Variants in TMPRSS9 observed in about 807,000 individuals in gnomAD.
TMPRSS9 encodes transmembrane serine protease 9, also known as transmembrane protease serine 9.
Under a neutral mutation model 111.4 loss-of-function variants are expected in TMPRSS9, and 113 were observed. The ratio of observed to expected loss-of-function variants is 1.01; its 90% CI spans 0.87 to 1.19. TMPRSS9 has a LOEUF of 1.19. Among genes scored for constraint, TMPRSS9 ranks in the 50% most tolerant of loss-of-function variants. The pLI is 0.00. For synonymous variants in TMPRSS9, 805 were observed against 659.1 expected, an observed-to-expected ratio of 1.22 and a Z score of -3.39; for missense variants, 1,803 against 1,513.1, an observed-to-expected ratio of 1.19 and a Z score of -3.18.
At chr19:2,374,145 A>G (rs576307428) in intron 1 of TMPRSS9, among the ~76,000 whole-genome samples, 2 of 149,250 alleles carry the variant, frequency 1.3e-5, no homozygotes, top group Non-Finnish European at 3.0e-5. Context: ...TTTTCAAGCT[A>G]TTACATCAGC....
At chr19:2,419,976 T>A (rs891365271) in intron 13 of TMPRSS9, among the ~76,000 whole-genome samples, 6 of 152,014 alleles carry the variant, frequency 3.9e-5, no homozygotes, top group African/African-American at 1.4e-4. Flanking sequence ...CTGGACAACA[T>A]AGTGAGACCC....
At position 2,396,778 on chromosome 19, in the gene TMPRSS9, G is replaced by A. The variant is rs1040509466; in HGVS notation, c.270+112G>A. ...GGCAGGCCACAGGCAACGAAGCTGA[G>A]GTGGAGGCTGTGAGACCGGGAGGCC... On this transcript the variant is annotated intron_variant, in intron 2 of 17. Transcript: ENST00000648592. 9 of 1,425,662 alleles carry A rather than the reference G, an allele frequency of 6.3e-6. No homozygotes were observed. In the African/African-American group the frequency reaches 9.8e-5, roughly 16 times the overall value. The allele number at this position is 1,425,662 out of a possible 1,614,324, so 88.3% of individuals were successfully genotyped here. A position where few individuals can be genotyped will look rare whatever the true frequency, so the allele number is the denominator to read the frequency against.
chr19:2,403,183 G>A (rs1431109159), exon 6 of TMPRSS9: 13 of 1,607,930 alleles, frequency 8.1e-6, no homozygotes, highest in Non-Finnish European at 6.8e-6. Context: ...TGGGTCCGAC[G>A]AGGCGCACTG....
rs1044091377 is a variant in TMPRSS9 at position 2,404,931 on chromosome 19, CAAAAAAA to C, written c.671-431_671-425del. Among the ~76,000 whole-genome samples the C allele has an allele frequency of 3.9e-5, 3 of 76,794 alleles. No individual in the cohort carries two copies. The South Asian group carries it at 1.2e-3, about 32-fold the overall frequency. The allele number at this position is 76,794 out of a possible 152,430, so 50.4% of individuals were successfully genotyped here. On this transcript the variant is annotated intron_variant, in intron 6 of 17. Transcript: ENST00000648592. ...TGGACAACAGAGCGAGACTCCATCT[CAAAAAAA>C]AAAAAAAAAAATCAAAGACTAAACT...
chr19:2,425,103 T>C (rs1233034808), exon 16 of TMPRSS9: 4 of 1,583,628 alleles, frequency 2.5e-6, no homozygotes, highest in Non-Finnish European at 3.4e-6. Flanking sequence ...AAGCACCCGT[T>C]CTACAATCTC....
At chr19:2,375,003 GGCT>G (rs1440580650) in intron 1 of TMPRSS9, among the ~76,000 whole-genome samples, 2 of 152,194 alleles carry the variant, frequency 1.3e-5, no homozygotes, top group African/African-American at 4.8e-5. Context: ...TGCTGGGCGG[GGCT>G]GCGCCTGACT....
exon 16 of TMPRSS9, chr19:2,425,073 A>G: frequency 6.4e-7 from 1 of 1,573,392 alleles, no homozygotes; most frequent in South Asian, 1.1e-5. Context: ...GGGCAGCTGG[A>G]GCGCGTGGCG....
chr19:2,367,398 G>C (rs10422706), intron 1 of TMPRSS9, among the ~76,000 whole-genome samples: 100,016 of 151,438 alleles, frequency 0.66, 33,969 homozygotes, highest in Middle Eastern at 0.85. Flanking sequence ...AAATGCTTAT[G>C]TACTTTTTTT....
At chr19:2,405,208 A>G (rs4807259) in intron 6 of TMPRSS9, among the ~76,000 whole-genome samples, 166 bp from the exon 8 acceptor site, 82,544 of 151,804 alleles carry the variant, frequency 0.54, 23,044 homozygotes, top group African/African-American at 0.64. Flanking sequence ...GTTGAAGAGG[A>G]AGGGATGGGG....
intron 17 of TMPRSS9, 168 bp from the exon 19 acceptor site, chr19:2,425,759 C>G: frequency 3.4e-6 from 4 of 1,175,904 alleles, no homozygotes; most frequent in Non-Finnish European, 4.6e-6. Flanking sequence ...GACCACGTGG[C>G]GGGTGTCCAT....
rs781209034 is a variant in TMPRSS9 at position 2,396,645 on chromosome 19, G to C, written c.249G>C (p.Leu83=). 2.5e-6 allele frequency: 4 copies of C among 1,608,708 alleles called. No homozygotes were observed. In the East Asian group the frequency reaches 6.7e-5, roughly 27 times the overall value. The change falls in exon 2 of 18, where the codon CTG becomes CTC. Residue 83 remains leucine, a synonymous_variant. Transcript: ENST00000648592. ...AGACCTCGGACTATCACCGCACGCT[G>C]ACGCCCACCCTGGAGGCACTGGTGA...
chr19:2,425,587 C>T (rs963870005), intron 17 of TMPRSS9, 94 bp downstream of exon 18: 65 of 1,391,208 alleles, frequency 4.7e-5, no homozygotes, highest in Middle Eastern at 2.6e-4. Context: ...CGGGAGCCAC[C>T]CTCCGGTGCA....
upstream of TMPRSS9, among the ~76,000 whole-genome samples, chr19:2,387,302 C>T (rs374395557): frequency 9.9e-5 from 15 of 152,204 alleles, no homozygotes; most frequent in East Asian, 1.5e-3. Flanking sequence ...CGAGACCAGC[C>T]TGGCCAACAT....
At chr19:2,413,733 C>T in exon 10 of TMPRSS9, 2 of 1,612,856 alleles carry the variant, frequency 1.2e-6, no homozygotes, top group Non-Finnish European at 1.7e-6. Flanking sequence ...CTGCGAGGAG[C>T]CCTCTGGCCG....
chr19:2,380,597 C>CAAAAAAA (rs1970378350), intron 1 of TMPRSS9, among the ~76,000 whole-genome samples: 2 of 46,252 alleles, frequency 4.3e-5, no homozygotes, highest in Admixed American at 6.1e-4. Context: ...CAAGACTCCA[C>CAAAAAAA]CAAAAAAAAA....
rs1319768447 is a variant in TMPRSS9, at chr19:2,401,175, G to T, written c.515-800G>T. On this transcript the variant is annotated intron_variant, in intron 4 of 17. Coordinates refer to ENST00000648592, the Ensembl canonical transcript of TMPRSS9. ...TGTAGTCCCAGCTGCTTGGGACGCT[G>T]AGGCAGGAGAATAGCGTGAACCCGG... 2.0e-5 allele frequency among the ~76,000 whole-genome samples: 3 copies of T among 152,118 alleles called. No individual in the cohort carries two copies. In the East Asian group the frequency reaches 5.8e-4, roughly 29 times the overall value.
Position 2,399,072 on chromosome 19 carries a change from C to A in TMPRSS9, c.393C>A (p.Pro131=), listed in dbSNP as rs529551965. 3 of 1,613,634 alleles carry A rather than the reference C, an allele frequency of 1.9e-6. No homozygotes were observed. The East Asian group carries it at 6.7e-5, about 36-fold the overall frequency. The change falls in exon 4 of 18, where the codon CCC becomes CCA. Residue 131 remains proline (P), a synonymous_variant. Coordinates refer to ENST00000648592, the Ensembl canonical transcript of TMPRSS9. ...TCCAGCTGCACTTTCTGCTGCGACCCCTCCAGACGCTGAGCCTGGGCCTGG... is the reference window on the plus strand; with the variant it reads ...TCCAGCTGCACTTTCTGCTGCGACCACTCCAGACGCTGAGCCTGGGCCTGG...
At chr19:2,425,679 C>A in intron 17 of TMPRSS9, 186 bp downstream of exon 18, 1 of 1,255,000 alleles carries the variant, frequency 8.0e-7, no homozygotes, top group Non-Finnish European at 1.0e-6. Context: ...GGCAACCCAC[C>A]GCATCCCATC....
intron 1 of TMPRSS9, among the ~76,000 whole-genome samples, chr19:2,377,358 A>G (rs1294540333): frequency 1.4e-5 from 2 of 146,100 alleles, no homozygotes; most frequent in Non-Finnish European, 3.0e-5. Flanking sequence ...TGGTCTCAAC[A>G]TCATGGGCTC....
Sources: allele counts gnomAD v4.1 joint callset (sites outside exome capture counted in the v4.1 genomes callset), GRCh38; gene constraint gnomAD v4.1.1; transcripts MANE v1.5; gene names NCBI Gene and HGNC (gene_info 2026-07-23, HGNC 2026-07-21).